AIFM2: variants seen among roughly 807,000 people sequenced by gnomAD.
AIFM2 encodes the protein AIF family member 2, ferroptosis suppressor.
AIFM2 carries 38 observed loss-of-function variants against 35.7 expected under a neutral mutation model. The observed-to-expected ratio is 1.06, with a 90% CI of 0.82 to 1.39. The LOEUF is 1.39. Ranked by LOEUF, AIFM2 falls within the 40% of genes most tolerant of loss-of-function variation. The pLI is 0.00. For missense variants in AIFM2, 476 were observed against 491.2 expected, an observed-to-expected ratio of 0.97 and a Z score of 0.29; for synonymous variants, 185 against 203.5, an observed-to-expected ratio of 0.91 and a Z score of 0.77.
intron 1 of AIFM2, among the ~76,000 whole-genome samples, chr10:70,130,511 C>A (rs962305205): frequency 6.6e-6 from 1 of 152,156 alleles, no homozygotes; most frequent in African/African-American, 2.4e-5. Flanking sequence ...CTTTTCCTGG[C>A]TGAAAAACAG....
intron 4 of AIFM2, 77 bp downstream of exon 4, chr10:70,121,015 C>T: frequency 6.5e-7 from 1 of 1,546,300 alleles, no homozygotes; most frequent in Admixed American, 2.0e-5. Flanking sequence ...CGTGGCCTCC[C>T]AGCTGCAGGC....
intron 5 of AIFM2, among the ~76,000 whole-genome samples, chr10:70,118,865 T>G (rs2136655711): frequency 6.6e-6 from 1 of 152,264 alleles, no homozygotes; most frequent in South Asian, 2.1e-4. Flanking sequence ...ACTCCTTGGA[T>G]GTTCCCGGGT....
intron 8 of AIFM2, 92 bp downstream of exon 8, chr10:70,114,828 C>A: frequency 7.1e-7 from 1 of 1,413,276 alleles, no homozygotes; most frequent in Non-Finnish European, 9.7e-7. Context: ...AGAGTTTGTT[C>A]TAGTGGCCAG....
chr10:70,116,269 C>T (rs1036176873), intron 7 of AIFM2, among the ~76,000 whole-genome samples: 1 of 152,372 alleles, frequency 6.6e-6, no homozygotes, highest in East Asian at 1.9e-4. Flanking sequence ...GGCGGCAGCA[C>T]GCCTGCCAAG....
At chr10:70,125,911 C>A (rs1224727524) in intron 1 of AIFM2, among the ~76,000 whole-genome samples, 1 of 152,204 alleles carries the variant, frequency 6.6e-6, no homozygotes, top group Non-Finnish European at 1.5e-5. Context: ...TGCCTTTTAT[C>A]CAACTCAACA....
intron 5 of AIFM2, among the ~76,000 whole-genome samples, chr10:70,119,693 T>C (rs1331561725): frequency 1.3e-5 from 2 of 152,246 alleles, no homozygotes; most frequent in Non-Finnish European, 2.9e-5. Flanking sequence ...CTATTGATTT[T>C]TCTTTTCAAA....
intron 4 of AIFM2, 124 bp downstream of exon 4, chr10:70,120,968 C>T (rs574645653): frequency 1.3e-4 from 196 of 1,477,212 alleles, no homozygotes; most frequent in Admixed American, 2.7e-4. Flanking sequence ...AGTGACTCTC[C>T]AACTCTATGG....
chr10:70,125,000 A>G (rs2072549618), intron 1 of AIFM2, among the ~76,000 whole-genome samples: 1 of 152,190 alleles, frequency 6.6e-6, no homozygotes, highest in Non-Finnish European at 1.5e-5. Flanking sequence ...AATACCAATT[A>G]TAAAAGGGCT....
intron 8 of AIFM2, 49 bp from the exon 9 acceptor site, chr10:70,114,378 G>A (rs781672160): frequency 2.1e-5 from 34 of 1,609,510 alleles, no homozygotes; most frequent in Non-Finnish European, 2.9e-5. Flanking sequence ...AACCGCCTGG[G>A]GCTGCACCTC....
At position 70,113,857 on chromosome 10, in the gene AIFM2, C is replaced by T; in HGVS notation, c.*321G>A. 1 of 305,566 alleles carries T rather than the reference C, an allele frequency of 3.3e-6. No individual in the cohort carries two copies. The highest frequency in any genetic ancestry group is 6.2e-6 in the Non-Finnish European group (1 of 162,158). 18.9% of individuals were successfully genotyped at this position (305,566 alleles called of 1,614,324 possible). ...GACCACAAGCACGTACACACACATG[C>T]ACATCCCAGAGGAGGCAGGTGCAGA... On this transcript the variant is annotated 3_prime_UTR_variant, in exon 9 of 9. Coordinates refer to ENST00000307864, the MANE Select transcript of AIFM2 (RefSeq NM_032797.6).
chr10:70,123,585 C>T (rs2072533583), intron 2 of AIFM2, 65 bp from the exon 3 acceptor site: 1 of 1,439,702 alleles, frequency 6.9e-7, no homozygotes, highest in Non-Finnish European at 9.7e-7. Flanking sequence ...GCCAGAGTGA[C>T]TCAGAACCTT....
intron 1 of AIFM2, among the ~76,000 whole-genome samples, chr10:70,125,153 T>C (rs2072551300): frequency 6.6e-6 from 1 of 152,138 alleles, no homozygotes; most frequent in Non-Finnish European, 1.5e-5. Flanking sequence ...AGCCAATACA[T>C]TTCTGTTCAT....
rs2072491050 is a variant in AIFM2 at position 70,120,691 on chromosome 10, G to A, written c.415-92C>T. On this transcript the variant is annotated intron_variant, in intron 4 of 8. Coordinates refer to ENST00000307864, the MANE Select transcript of AIFM2 (RefSeq NM_032797.6). ...GTTCAGCCTGTGGTGTGGCTCCCTG[G>A]GCCAAAGGAGGGCAGAGAACCCTTT... 2.9e-6 allele frequency: 4 copies of A among 1,381,332 alleles called. No individual in the cohort carries two copies. In the African/African-American group the frequency reaches 4.3e-5, roughly 15 times the overall value. 85.6% of individuals were successfully genotyped at this position (1,381,332 alleles called of 1,614,324 possible).
At chr10:70,132,116 C>T (rs1426817608) in intron 1 of AIFM2, among the ~76,000 whole-genome samples, 1 of 152,122 alleles carries the variant, frequency 6.6e-6, no homozygotes, top group Admixed American at 6.5e-5. Flanking sequence ...CCAATATAGG[C>T]CACTAATTCA....
intron 2 of AIFM2, 31 bp from the exon 3 acceptor site, chr10:70,123,551 G>A: frequency 2.5e-6 from 4 of 1,589,070 alleles, no homozygotes; most frequent in Non-Finnish European, 3.5e-6. Flanking sequence ...AGGTCATAGG[G>A]CAGAGCCAGG....
intron 1 of AIFM2, among the ~76,000 whole-genome samples, chr10:70,127,302 G>A (rs775389774): frequency 4.6e-5 from 7 of 152,238 alleles, no homozygotes; most frequent in African/African-American, 9.6e-5. Flanking sequence ...GCAGCTGGCC[G>A]GGGATAGGGA....
rs143731525 is a variant in AIFM2 at position 70,127,921 on chromosome 10, C to T, written c.-13-3824G>A. 1.2e-3 allele frequency among the ~76,000 whole-genome samples: 178 copies of T among 152,356 alleles called. 2 individuals carry two copies. The highest frequency in any genetic ancestry group is 1.2e-3 in the Non-Finnish European group (85 of 68,032). On this transcript the variant is annotated intron_variant, in intron 1 of 8. Transcript: ENST00000307864. ...CTCTCTCCTCTACTGACCCCTGCCA[C>T]GCTTACTTGTGGAATAGGGAGGCCA...
chr10:70,119,357 G>C (rs565397830), intron 5 of AIFM2, among the ~76,000 whole-genome samples: 2 of 152,234 alleles, frequency 1.3e-5, no homozygotes, highest in Non-Finnish European at 2.9e-5. Context: ...GCGTGGGTAA[G>C]CTGGGGACCT....
intron 3 of AIFM2, among the ~76,000 whole-genome samples, chr10:70,121,877 A>G (rs2072512071): frequency 6.6e-6 from 1 of 151,064 alleles, no homozygotes; most frequent in Non-Finnish European, 1.5e-5. Context: ...GGATCACCTG[A>G]GGTCAGGAGT....
Sources: allele counts gnomAD v4.1 joint callset (sites outside exome capture counted in the v4.1 genomes callset), GRCh38; gene constraint gnomAD v4.1.1; transcripts MANE v1.5; gene names NCBI Gene and HGNC (gene_info 2026-07-23, HGNC 2026-07-21).